The following PRPF8 variants were observed in gnomAD, a reference collection of about 807,000 sequenced individuals.
The protein encoded by PRPF8 is pre-mRNA-processing-splicing factor 8.
PRPF8 carries 64 observed loss-of-function variants against 285.9 expected under a neutral mutation model. The observed-to-expected ratio is 0.22, with a 90% confidence interval of 0.18 to 0.28. The LOEUF (loss-of-function observed/expected upper bound fraction) is 0.28, where lower values mean the gene tolerates loss of function less well. Ranked by LOEUF, PRPF8 falls within the 10% of genes least tolerant of loss-of-function variation. The probability of loss-of-function intolerance (pLI) is 1.00; values close to 1 mark genes in which losing one functional copy is unlikely to be tolerated. For missense variants in PRPF8, 1,426 were observed against 3,026.7 expected (o/e 0.47, Z 12.41); for synonymous variants, 1,325 against 1,118.2 (o/e 1.18, Z -3.69).
Position 1,658,584 on chromosome 17 carries a change from G to C in PRPF8, c.5318C>G (p.Ser1773Cys). 6.2e-7 allele frequency: 1 copy of C among 1,614,128 alleles called. No homozygotes were observed. The highest frequency in any genetic ancestry group is 2.2e-5 in the East Asian group (1 of 44,890). Residue 1773 changes from serine to cysteine, a missense_variant, in exon 33 of 43, where the codon TCC becomes TGC. Physicochemically the swap from Ser to Cys is moderately radical, Grantham distance 112. Transcript: ENST00000304992. This position sits in a 1 kb window ranked among gnomAD's most constrained non-coding sequence, Gnocchi z 4.1. ...LSSQNYGELF[S>C]NQIIWFVDDT... ...ATCCACAAACCAGATAATCTGGTTG[G>C]AGAAGAGCTCACCATAGTTCTGAGA...
chr17:1,666,547 A>AAAAAG (rs200898243), intron 24 of PRPF8, among the ~76,000 whole-genome samples: 1,124 of 102,082 alleles, frequency 0.011, 22 homozygotes, highest in African/African-American at 0.1. Flanking sequence ...ACCCCATCTC[A>AAAAAG]AAAAAAAAAA....
rs370680544 is a variant in PRPF8, at chr17:1,650,956, C to G, written c.6854G>C (p.Gly2285Ala). The G allele has an allele frequency of 6.2e-7, 1 of 1,614,046 alleles. No homozygotes were observed. The highest frequency in any genetic ancestry group is 8.5e-7 in the Non-Finnish European group (1 of 1,180,048). The change falls in exon 43 of 43, where the codon GGT becomes GCT. Residue 2285 changes from glycine (G) to alanine (A), a missense_variant and splice_region_variant. Gly to Ala is a moderately conservative substitution (Grantham distance 60, BLOSUM62 0). Around this residue, in one of 34 missense-constraint regions of PRPF8, gnomAD observed 160 missense variants for 373.7 expected, o/e 0.43. Coordinates refer to ENST00000304992, the MANE Select transcript of PRPF8 (RefSeq NM_006445.4). ...AQSSWNYNFM[G>A]VRHDPNMKYE... ...TTTCATGTTGGGGTCATGCCGAACA[C>G]CTTCGGGGAGAAGGAAACAGCCAAT...
At position 1,659,556 on chromosome 17, in the gene PRPF8, T is replaced by C. The variant is rs200743579; in HGVS notation, c.4947-8A>G. 6.2e-7 allele frequency: 1 copy of C among 1,612,948 alleles called. No individual in the cohort carries two copies. Among genetic ancestry groups the C allele is most frequent in the Non-Finnish European group, 8.5e-7 (1 of 1,180,026 alleles). On this transcript the variant is annotated splice_region_variant and splice_polypyrimidine_tract_variant and intron_variant, in intron 31 of 42. Transcript: ENST00000304992. The surrounding 1 kb of genome is among the most constrained non-coding windows in gnomAD (Gnocchi z 5.1). ...GTGCTGTCCATCACATCCCTGAGGA[T>C]GAAGAGGGTTCAAGCTTCTAAGAAA... is the stretch of plus-strand genomic sequence containing the variant.
rs60402650 is a variant in PRPF8 at position 1,666,165 on chromosome 17, C to CA, written c.3775-4013dup. 4.1e-3 allele frequency among the ~76,000 whole-genome samples: 500 copies of CA among 121,196 alleles called. 4 individuals are homozygous for CA. Among genetic ancestry groups the CA allele is most frequent in the East Asian group, 0.041 (169 of 4,156 alleles). The allele number at this position is 121,196 out of a possible 152,430, so 79.5% of individuals were successfully genotyped here. A position where few individuals can be genotyped will look rare whatever the true frequency, so the allele number is the denominator to read the frequency against. ...TGAGTGACAGGGCGAGACTCTGTCT[C>CA]AAAAAAAAAAAAAGAGAAAGGTCCA... On this transcript the variant is annotated intron_variant, in intron 24 of 42. Coordinates refer to ENST00000304992, the MANE Select transcript of PRPF8 (RefSeq NM_006445.4).
At chr17:1,669,791 C>A (rs954487959) in intron 24 of PRPF8, among the ~76,000 whole-genome samples, 2 of 152,206 alleles carry the variant, frequency 1.3e-5, no homozygotes, top group African/African-American at 4.8e-5. Context: ...GGTTCCAAGA[C>A]CCGGCACCCT....
chr17:1,673,073 C>T lies in PRPF8; in HGVS notation c.3774+8G>A. The T allele has an allele frequency of 6.2e-7, 1 of 1,613,656 alleles. No individual in the cohort carries two copies. Among genetic ancestry groups the T allele is most frequent in the Middle Eastern group, 1.7e-4 (1 of 6,060 alleles). The stretch of plus-strand genomic sequence containing the variant: ...ACAAGAGGGAAGCTGGGCATGACGG[C>T]CCTGTACCTTGGTGAAGGTGGTGGA... On this transcript the variant is annotated splice_region_variant and intron_variant, in intron 24 of 42. Transcript: ENST00000304992. This position sits in a 1 kb window ranked among gnomAD's most constrained non-coding sequence, Gnocchi z 5.5.
rs1470860173 is a variant in PRPF8, at chr17:1,676,299, G to T, written c.2460C>A (p.Arg820=). Reference sequence around the variant, plus strand: ...GGGGGAATGGGATGGGTGAAAACCTGCGGCTTTCCAACCAATGCACTGTGG... The same window carrying T: ...GGGGGAATGGGATGGGTGAAAACCTTCGGCTTTCCAACCAATGCACTGTGG... ...YTTTVHWLES[R]RFSPIPFPPL... is the part of the protein sequence containing the mutation. Residue 820 remains arginine (R), a synonymous_variant, in exon 17 of 43, where the codon CGC becomes CGA. Coordinates refer to ENST00000304992, the MANE Select transcript of PRPF8 (RefSeq NM_006445.4). The surrounding 1 kb of genome is among the most constrained non-coding windows in gnomAD (Gnocchi z 6.3). 1 of 1,614,110 alleles carries T rather than the reference G, an allele frequency of 6.2e-7. No individual in the cohort carries two copies. Among genetic ancestry groups the T allele is most frequent in the South Asian group, 1.1e-5 (1 of 91,078 alleles).
chr17:1,672,940 C>T (rs1273094784), intron 24 of PRPF8, 141 bp downstream of exon 24: 16 of 809,700 alleles, frequency 2.0e-5, no homozygotes, highest in Non-Finnish European at 3.3e-5. Context: ...TACTATAAGC[C>T]ACTATGGCAC....
intron 24 of PRPF8, among the ~76,000 whole-genome samples, chr17:1,672,490 A>C (rs1485890751): frequency 2.0e-5 from 3 of 152,184 alleles, no homozygotes; most frequent in Non-Finnish European, 4.4e-5. Context: ...ACCACACTGG[A>C]CAGGCTGGTC....
rs374462540 is a variant in PRPF8, at chr17:1,650,765, C to T, written c.*37G>A. 8.1e-6 allele frequency: 13 copies of T among 1,612,356 alleles called. No homozygotes were observed. The highest frequency in any genetic ancestry group is 1.0e-5 in the Non-Finnish European group (12 of 1,179,556). ...GGCCTGTCTGGAGGGGCTGAGGCTT[C>T]GGCCTCGGGAGGCTGAAGCAGGAGG... On this transcript the variant is annotated 3_prime_UTR_variant, in exon 43 of 43. Coordinates refer to ENST00000304992, the MANE Select transcript of PRPF8 (RefSeq NM_006445.4).
intron 24 of PRPF8, among the ~76,000 whole-genome samples, chr17:1,665,960 G>A (rs1279686782): frequency 1.3e-5 from 2 of 150,380 alleles, no homozygotes; most frequent in African/African-American, 2.5e-5. Context: ...TCAGGAGATC[G>A]AGACCATCCT....
chr17:1,681,139 C>T (rs892889581), intron 6 of PRPF8, 85 bp from the exon 7 acceptor site: 56 of 1,441,160 alleles, frequency 3.9e-5, no homozygotes, highest in Non-Finnish European at 5.0e-5. Context: ...AATGCAATGG[C>T]ATGATCATCG....
chr17:1,659,398 T>C lies in PRPF8; in HGVS notation c.5097A>G (p.Thr1699=), dbSNP rs374294268. The C allele has an allele frequency of 6.2e-7, 1 of 1,614,004 alleles. No individual in the cohort carries two copies. The highest frequency in any genetic ancestry group is 1.1e-5 in the South Asian group (1 of 91,070). Residue 1699 remains threonine, a synonymous_variant, in exon 32 of 43, where the codon ACA becomes ACG. Transcript: ENST00000304992. The surrounding 1 kb of genome is among the most constrained non-coding windows in gnomAD (Gnocchi z 5.1). ...CCAGGTCAATGGCGATGAGTACACC[T>C]GTGGGCGAAGGGTAGATACTCATGT... The part of the protein sequence containing the change: ...TDNMSIYPSP[T]GVLIAIDLAY...
rs767222553 is a variant in PRPF8, at chr17:1,678,971, G to C, written c.1599+46C>G. ...CATCAGTAACCAGAGGAAAACAACT[G>C]TCCGTCCTTGAAGCCCAGGAGGCCC... On this transcript the variant is annotated intron_variant, in intron 11 of 42. Coordinates refer to ENST00000304992, the MANE Select transcript of PRPF8 (RefSeq NM_006445.4). 7.4e-6 allele frequency: 12 copies of C among 1,613,544 alleles called. No homozygotes were observed. In the Admixed American group the frequency reaches 1.5e-4, roughly 20 times the overall value.
intron 24 of PRPF8, among the ~76,000 whole-genome samples, chr17:1,671,524 T>C (rs897013076): frequency 5.9e-5 from 9 of 152,110 alleles, no homozygotes; most frequent in African/African-American, 2.2e-4. Context: ...GAGACCAGCC[T>C]GGACAAGAGA....
chr17:1,666,405 G>A (rs1186742881), intron 24 of PRPF8, among the ~76,000 whole-genome samples: 1 of 151,946 alleles, frequency 6.6e-6, no homozygotes, highest in Non-Finnish European at 1.5e-5. Flanking sequence ...AGAAAAATCA[G>A]CCAGGCATGG....
At chr17:1,670,042 T>C (rs1912218460) in intron 24 of PRPF8, among the ~76,000 whole-genome samples, 1 of 152,172 alleles carries the variant, frequency 6.6e-6, no homozygotes, top group South Asian at 2.1e-4. Flanking sequence ...CTAGTTTCAT[T>C]TCTCTCCCTG....
intron 24 of PRPF8, among the ~76,000 whole-genome samples, chr17:1,664,049 A>C (rs1214243614): frequency 6.6e-6 from 1 of 152,136 alleles, no homozygotes; most frequent in Non-Finnish European, 1.5e-5. Flanking sequence ...TCTCTCAAGC[A>C]AGACAGGGTC....
chr17:1,659,359 G>A lies in PRPF8; in HGVS notation c.5136C>T (p.His1712=), dbSNP rs1175170430. The A allele has an allele frequency of 6.2e-7, 1 of 1,613,816 alleles. No individual in the cohort carries two copies. The highest frequency in any genetic ancestry group is 2.2e-5 in the East Asian group (1 of 44,886). The change falls in exon 32 of 43, where the codon CAC becomes CAT. Residue 1712 remains histidine (H), a splice_region_variant and synonymous_variant. Transcript: ENST00000304992. The surrounding 1 kb of genome is among the most constrained non-coding windows in gnomAD (Gnocchi z 5.1). ...LIAIDLAYNL[H]SAYGNWFPGS... ...CATGGTCCTGAGCCTCAACTCACCTGTGCAAGTTATAGGCCAGGTCAATGG... is the reference window on the plus strand; with the variant it reads ...CATGGTCCTGAGCCTCAACTCACCTATGCAAGTTATAGGCCAGGTCAATGG...
Sources: gnomAD v4.1 joint callset for allele counts (sites outside exome capture counted in the v4.1 genomes callset) on GRCh38, gnomAD v4.1.1 for gene constraint, gnomAD v4.1.1 regional missense constraint, Gnocchi (gnomAD v3.1) non-coding constraint, MANE v1.5 for transcripts, NCBI Gene and HGNC (gene_info 2026-07-23, HGNC 2026-07-21) for gene names.